Variants in KCNK2 observed in about 807,000 individuals in gnomAD.
KCNK2 encodes the protein potassium channel subfamily K member 2.
A neutral mutation model predicts 40.5 loss-of-function variants in KCNK2; 21 were observed. The ratio of observed to expected loss-of-function variants is 0.52; its 90% CI spans 0.37 to 0.75. The LOEUF (loss-of-function observed/expected upper bound fraction) is 0.75, where lower values mean the gene tolerates loss of function less well. Among genes scored for constraint, KCNK2 ranks in the 30% least tolerant of loss-of-function variants. KCNK2 has a pLI of 0.00. For missense variants in KCNK2, 399 were observed against 531.6 expected (o/e 0.75, Z 2.45); for synonymous variants, 191 against 202.2 (o/e 0.94, Z 0.47).
chr1:215,195,998 A>G (rs960497990), intron 6 of KCNK2, among the ~76,000 whole-genome samples: 3 of 152,188 alleles, frequency 2.0e-5, no homozygotes, highest in Non-Finnish European at 4.4e-5. Flanking sequence ...TTCTTTAAGT[A>G]TACACCCAAA....
At chr1:215,092,226 A>C (rs986971426) in intron 2 of KCNK2, among the ~76,000 whole-genome samples, 1 of 152,128 alleles carries the variant, frequency 6.6e-6, no homozygotes, top group African/African-American at 2.4e-5. Context: ...GATTGACCAG[A>C]GGTGCAGTGC....
chr1:215,070,276 T>C (rs76114111), intron 1 of KCNK2, among the ~76,000 whole-genome samples: 1,690 of 151,324 alleles, frequency 0.011, 19 homozygotes, highest in Non-Finnish European at 0.015. Flanking sequence ...ATTAGCCGGA[T>C]GTGGTGGCGG....
At chr1:215,211,301 C>T (rs546732485) in intron 6 of KCNK2, among the ~76,000 whole-genome samples, 9 of 152,254 alleles carry the variant, frequency 5.9e-5, no homozygotes, top group Admixed American at 5.2e-4. Flanking sequence ...GCTGCCTTTG[C>T]ACTGACTGTT....
intron 1 of KCNK2, among the ~76,000 whole-genome samples, chr1:215,029,573 TATATAA>T (rs1209460318): frequency 6.8e-6 from 1 of 146,998 alleles, no homozygotes; most frequent in African/African-American, 2.5e-5. Flanking sequence ...ATATATTTAA[TATATAA>T]ATATAAATAT....
At chr1:215,177,298 A>C (rs1664016959) in intron 5 of KCNK2, among the ~76,000 whole-genome samples, 1 of 151,958 alleles carries the variant, frequency 6.6e-6, no homozygotes, top group African/African-American at 2.4e-5. Flanking sequence ...ATCCAATTCT[A>C]TAGGTTGTCT....
intron 1 of KCNK2, among the ~76,000 whole-genome samples, chr1:215,050,490 C>T (rs1657948171): frequency 6.6e-6 from 1 of 152,016 alleles, no homozygotes; most frequent in African/African-American, 2.4e-5. Flanking sequence ...GATAAAGTTC[C>T]TGTACTTCGT....
intron 1 of KCNK2, among the ~76,000 whole-genome samples, chr1:215,062,806 C>G (rs1441152548): frequency 6.6e-6 from 1 of 151,934 alleles, no homozygotes; most frequent in African/African-American, 2.4e-5. Context: ...CATTTATTCA[C>G]TCTTTAAACA....
chr1:215,224,808 A>G (rs1409901976), intron 6 of KCNK2, among the ~76,000 whole-genome samples: 1 of 152,196 alleles, frequency 6.6e-6, no homozygotes, highest in Non-Finnish European at 1.5e-5. Context: ...ATATAGACTC[A>G]AATAATCTCA....
chr1:215,211,975 A>G (rs1438733697), intron 6 of KCNK2, among the ~76,000 whole-genome samples: 1 of 152,158 alleles, frequency 6.6e-6, no homozygotes, highest in Non-Finnish European at 1.5e-5. Flanking sequence ...ACAATATTTA[A>G]GGAGTGATTA....
At chr1:215,100,332 T>C (rs937625784) in intron 2 of KCNK2, among the ~76,000 whole-genome samples, 1 of 151,964 alleles carries the variant, frequency 6.6e-6, no homozygotes, top group Non-Finnish European at 1.5e-5. Context: ...ATTAGATGAA[T>C]TTAGAGTTCA....
Position 215,056,615 on chromosome 1 carries a change from C to CTTTTT in KCNK2, c.35-29737_35-29733dup, listed in dbSNP as rs34925678. Among the ~76,000 whole-genome samples the CTTTTT allele has an allele frequency of 7.9e-4, 82 of 103,962 alleles. 1 individual carries two copies. The highest frequency in any genetic ancestry group is 5.5e-3 in the South Asian group (16 of 2,892). The allele number at this position is 103,962 out of a possible 152,430, so 68.2% of individuals were successfully genotyped here. ...AGATTTGTAAAGGATTGTGTCCACT[C>CTTTTT]TTTTTTTTTTTTTTTTTTTTGGTAG... On this transcript the variant is annotated intron_variant, in intron 1 of 6. Coordinates refer to the KCNK2 transcript ENST00000391895.
intron 1 of KCNK2, among the ~76,000 whole-genome samples, chr1:215,062,666 A>G (rs368852010): frequency 6.6e-6 from 1 of 151,720 alleles, no homozygotes; most frequent in Non-Finnish European, 1.5e-5. Context: ...GATGGGCTAA[A>G]GTTAATTTCA....
intron 1 of KCNK2, among the ~76,000 whole-genome samples, chr1:215,009,072 G>C (rs1004740110): frequency 6.6e-6 from 1 of 152,056 alleles, no homozygotes; most frequent in Non-Finnish European, 1.5e-5. Context: ...AGCCAACAAA[G>C]TCATTCTCAG....
rs1660431700 is a variant in KCNK2, at chr1:215,106,165, A to G, written c.358-18468A>G. Among the ~76,000 whole-genome samples, 3 of 152,114 alleles carry G rather than the reference A, an allele frequency of 2.0e-5. No individual in the cohort carries two copies. In the South Asian group the frequency reaches 6.2e-4, roughly 32 times the overall value. On this transcript the variant is annotated intron_variant, in intron 2 of 6. Coordinates refer to ENST00000444842, the MANE Select transcript of KCNK2 (RefSeq NM_001017425.3). ...TTAAAATTCTTTGAGAAATCTTCAA[A>G]CTGCTTTCCACGGTGACTGAACTAA...
intron 1 of KCNK2, among the ~76,000 whole-genome samples, chr1:215,058,689 A>G (rs557774980): frequency 6.6e-6 from 1 of 152,240 alleles, no homozygotes; most frequent in East Asian, 1.9e-4. Context: ...AAAGCCCTAC[A>G]TAATCGCCCC....
intron 1 of KCNK2, among the ~76,000 whole-genome samples, chr1:215,055,619 C>T (rs1658131716): frequency 6.6e-6 from 1 of 152,194 alleles, no homozygotes; most frequent in Non-Finnish European, 1.5e-5. Flanking sequence ...CACTTTTCTC[C>T]ACTTGAATAA....
At position 215,173,369 on chromosome 1, in the gene KCNK2, T is replaced by C. The variant is rs550491557; in HGVS notation, c.823+1186T>C. ...CACATTTTCTTAATCCAGTCTATCA[T>C]TGTTGGACATTTGGGTTGGTTCCAA... is the stretch of plus-strand genomic sequence containing the variant. On this transcript the variant is annotated intron_variant, in intron 5 of 6. Coordinates refer to ENST00000444842, the MANE Select transcript of KCNK2 (RefSeq NM_001017425.3). Among the ~76,000 whole-genome samples the C allele has an allele frequency of 5.6e-4, 85 of 152,320 alleles. No individual in the cohort carries two copies. The South Asian group carries it at 0.017, about 31-fold the overall frequency.
At chr1:215,053,802 A>G (rs1320756535) in intron 1 of KCNK2, among the ~76,000 whole-genome samples, 2 of 152,328 alleles carry the variant, frequency 1.3e-5, no homozygotes, top group East Asian at 3.9e-4. Context: ...CCCTGTCTCT[A>G]CTAAAAATAC....
chr1:215,100,076 A>G (rs1438510931), intron 2 of KCNK2, among the ~76,000 whole-genome samples: 8 of 151,966 alleles, frequency 5.3e-5, no homozygotes, highest in African/African-American at 9.7e-5. Context: ...ATTTGTGAAT[A>G]AAGAGGCACA....
Sources: gnomAD v4.1 joint callset for allele counts (sites outside exome capture counted in the v4.1 genomes callset) on GRCh38, gnomAD v4.1.1 for gene constraint, MANE v1.5 for transcripts, NCBI Gene and HGNC (gene_info 2026-07-23, HGNC 2026-07-21) for gene names.